Variants in IPO7 observed in about 807,000 individuals in gnomAD.
IPO7 encodes the protein importin 7.
IPO7 carries 13 observed loss-of-function variants against 136.4 expected under a neutral mutation model. The observed-to-expected ratio is 0.10, with a 90% confidence interval of 0.06 to 0.15. The LOEUF (loss-of-function observed/expected upper bound fraction) is 0.15. IPO7 is among the 10% of genes least tolerant of loss of function. The pLI, the probability that IPO7 is intolerant of heterozygous loss-of-function variation, is 1.00. For synonymous variants in IPO7, 403 were observed against 404.4 expected, an observed-to-expected ratio of 1.00 and a Z score of 0.04; for missense variants, 857 against 1,240.6, an observed-to-expected ratio of 0.69 and a Z score of 4.65.
At chr11:9,424,634 T>C (rs1034250924) in intron 10 of IPO7, among the ~76,000 whole-genome samples, 7 of 152,122 alleles carry the variant, frequency 4.6e-5, no homozygotes, top group African/African-American at 1.4e-4. Flanking sequence ...AACCAGCTAC[T>C]TGGGAGGCTG....
rs1401598838 is a variant in IPO7 at position 9,442,107 on chromosome 11, T to C, written c.2929T>C (p.Tyr977His). Residue 977 changes from tyrosine to histidine, a missense_variant, in exon 24 of 25, where the codon TAT (tyrosine) becomes CAT (histidine). This residue lies in a region of IPO7 where 119 missense variants were observed against 155.5 expected (regional missense o/e 0.77). Coordinates refer to ENST00000379719, the MANE Select transcript of IPO7 (RefSeq NM_006391.3). Reference protein sequence around the residue: ...QTIQNRNPVWYQALTHGLNEE... With the variant: ...QTIQNRNPVWHQALTHGLNEE... Reference sequence around the variant, plus strand: ...TATTCAAAATCGTAATCCTGTGTGGTATCAGGCACTGACTCACGGTCTTAA... The same window carrying C: ...TATTCAAAATCGTAATCCTGTGTGGCATCAGGCACTGACTCACGGTCTTAA... 6.3e-7 allele frequency: 1 copy of C among 1,593,144 alleles called. No individual in the cohort carries two copies. Among genetic ancestry groups the C allele is most frequent in the East Asian group, 2.2e-5 (1 of 44,748 alleles).
chr11:9,441,897 A>G (rs113207480), intron 23 of IPO7, among the ~76,000 whole-genome samples, 184 bp from the exon 24 acceptor site: 371 of 152,322 alleles, frequency 2.4e-3, no homozygotes, highest in African/African-American at 8.6e-3. Context: ...GATAAGCTGT[A>G]GTTAATTTTT....
intron 1 of IPO7, among the ~76,000 whole-genome samples, chr11:9,395,915 G>C (rs1482006910): frequency 6.6e-6 from 1 of 150,788 alleles, no homozygotes; most frequent in Non-Finnish European, 1.5e-5. Flanking sequence ...TAAAGATGGG[G>C]TTTTACCATG....
At chr11:9,434,610 A>G (rs1183594714) in intron 18 of IPO7, among the ~76,000 whole-genome samples, 1 of 152,208 alleles carries the variant, frequency 6.6e-6, no homozygotes, top group East Asian at 1.9e-4. Flanking sequence ...AGCCTGGGCT[A>G]TTAGACCCTG....
chr11:9,430,741 T>C, intron 15 of IPO7, 134 bp from the exon 16 acceptor site: 2 of 697,792 alleles, frequency 2.9e-6, no homozygotes, highest in Admixed American at 2.8e-5. Context: ...AGCTCTTTAT[T>C]ATCATTAATC....
Position 9,420,684 on chromosome 11 carries a change from G to T in IPO7, c.892G>T (p.Val298Phe). ...FAEVFLKAFA[V>F]GVQQVLLKVL... ...TGAAGTATTTCTGAAGGCATTTGCT[G>T]TTGGTGTCCAGCAAGTAAGTCTGTT... is the stretch of plus-strand genomic sequence containing the variant. Residue 298 changes from valine to phenylalanine, a missense_variant, in exon 8 of 25, where the codon GTT becomes TTT. Around this residue, in one of 11 missense-constraint regions of IPO7, gnomAD observed 287 missense variants for 307.5 expected, o/e 0.93. Coordinates refer to ENST00000379719, the MANE Select transcript of IPO7 (RefSeq NM_006391.3). 1 of 1,610,762 alleles carries T rather than the reference G, an allele frequency of 6.2e-7. No homozygotes were observed.
chr11:9,439,283 T>G (rs955809291), intron 22 of IPO7, among the ~76,000 whole-genome samples: 1 of 151,934 alleles, frequency 6.6e-6, no homozygotes, highest in Non-Finnish European at 1.5e-5. Context: ...GCCCAGCTTA[T>G]TTTTGTATTT....
At chr11:9,417,214 A>T in intron 6 of IPO7, 66 bp downstream of exon 6, 1 of 697,712 alleles carries the variant, frequency 1.4e-6, no homozygotes, top group Non-Finnish European at 2.5e-6. Flanking sequence ...GAAGACTTTA[A>T]CTGGTGTTTC....
chr11:9,404,629 G>A (rs1166759985), intron 2 of IPO7, among the ~76,000 whole-genome samples: 1 of 137,718 alleles, frequency 7.3e-6, no homozygotes, highest in Non-Finnish European at 1.5e-5. Context: ...GCGGTGGCGC[G>A]ATTTCCGCTC....
chr11:9,397,313 C>T (rs1191427046), intron 1 of IPO7, among the ~76,000 whole-genome samples: 8 of 31,154 alleles, frequency 2.6e-4, no homozygotes, highest in South Asian at 1.2e-3. Flanking sequence ...GTTGAAACCC[C>T]GTCTTTACTA....
intron 24 of IPO7, among the ~76,000 whole-genome samples, chr11:9,444,508 A>C (rs930198294): frequency 6.6e-6 from 1 of 151,728 alleles, no homozygotes; most frequent in African/African-American, 2.4e-5. Flanking sequence ...GATTGCAGGC[A>C]CGCACCACCA....
At chr11:9,440,280 C>G (rs1855444252) in intron 22 of IPO7, among the ~76,000 whole-genome samples, 175 bp from the exon 23 acceptor site, 1 of 152,174 alleles carries the variant, frequency 6.6e-6, no homozygotes, top group African/African-American at 2.4e-5. Flanking sequence ...TCTTGGACTC[C>G]TATGGAAATT....
At chr11:9,390,928 C>A (rs1268999470) in intron 1 of IPO7, among the ~76,000 whole-genome samples, 1 of 152,076 alleles carries the variant, frequency 6.6e-6, no homozygotes, top group Non-Finnish European at 1.5e-5. Flanking sequence ...CGCCACCACT[C>A]CTGGCTAATT....
At chr11:9,423,166 T>C in intron 9 of IPO7, 26 bp downstream of exon 9, 9 of 1,457,724 alleles carry the variant, frequency 6.2e-6, no homozygotes, top group Non-Finnish European at 7.5e-6. Flanking sequence ...TGAAATGTTT[T>C]TATAGTAAAT....
chr11:9,425,120 A>AT, intron 11 of IPO7, 26 bp from the exon 12 acceptor site: 2 of 1,453,918 alleles, frequency 1.4e-6, no homozygotes, highest in Non-Finnish European at 1.9e-6. Context: ...CCTATTCAGT[A>AT]ACAATACTTT....
chr11:9,434,414 G>A (rs943644916), intron 18 of IPO7, among the ~76,000 whole-genome samples: 2 of 152,086 alleles, frequency 1.3e-5, no homozygotes, highest in African/African-American at 4.8e-5. Context: ...ATGTAAAAAT[G>A]TGTCTATAAT....
intron 4 of IPO7, among the ~76,000 whole-genome samples, 172 bp from the exon 5 acceptor site, chr11:9,414,083 C>G (rs896132186): frequency 1.3e-5 from 2 of 152,132 alleles, no homozygotes; most frequent in Non-Finnish European, 2.9e-5. Flanking sequence ...AATCTTTACT[C>G]AAGGTTTTAT....
chr11:9,446,409 T>C lies in IPO7; in HGVS notation c.*1215T>C, dbSNP rs1855528806. ...TCTTGTTGATCGTGGTATCTGATCT[T>C]GACTAGATAGGCTGAAGGCACATGG... is the stretch of plus-strand genomic sequence containing the variant. On this transcript the variant is annotated 3_prime_UTR_variant, in exon 25 of 25. Coordinates refer to ENST00000379719, the MANE Select transcript of IPO7 (RefSeq NM_006391.3). 6.6e-6 allele frequency: 1 copy of C among 152,156 alleles called. No individual in the cohort carries two copies. The highest frequency in any genetic ancestry group is 2.4e-5 in the African/African-American group (1 of 41,444). 9.4% of individuals were successfully genotyped at this position (152,156 alleles called of 1,614,324 possible).
At chr11:9,434,186 G>A (rs528771525) in intron 18 of IPO7, among the ~76,000 whole-genome samples, 5 of 152,104 alleles carry the variant, frequency 3.3e-5, no homozygotes, top group African/African-American at 9.6e-5. Flanking sequence ...GCCTCCCAAA[G>A]TGCTGGGATT....
Sources: allele counts gnomAD v4.1 joint callset (sites outside exome capture counted in the v4.1 genomes callset), GRCh38; gene constraint gnomAD v4.1.1; regional missense constraint gnomAD v4.1.1; transcripts MANE v1.5; gene names NCBI Gene and HGNC (gene_info 2026-07-23, HGNC 2026-07-21).